RASEF: variants seen among roughly 807,000 people sequenced by gnomAD.
RASEF encodes RAS and EF-hand domain containing.
Under a neutral mutation model 90.1 loss-of-function variants are expected in RASEF, and 68 were observed. The observed-to-expected ratio is 0.75, with a 90% CI of 0.62 to 0.92. RASEF has a LOEUF of 0.92. Ranked by LOEUF, RASEF falls within the 40% of genes least tolerant of loss-of-function variation. The probability of loss-of-function intolerance (pLI) is 0.00; values close to 1 mark genes in which losing one functional copy is unlikely to be tolerated. For synonymous variants in RASEF, 331 were observed against 345.2 expected, an observed-to-expected ratio of 0.96 and a Z score of 0.46; for missense variants, 949 against 937.2, an observed-to-expected ratio of 1.01 and a Z score of -0.16.
chr9:83,194,742 C>T, the RASEF span, among the ~76,000 whole-genome samples: 1 of 152,176 alleles, frequency 6.6e-6, no homozygotes, highest in Non-Finnish European at 1.5e-5. Context: ...GCCTCAGGGA[C>T]ATTTATTTTA....
the RASEF span, among the ~76,000 whole-genome samples, chr9:83,090,908 G>A: frequency 6.6e-6 from 1 of 151,836 alleles, no homozygotes; most frequent in African/African-American, 2.4e-5. Context: ...TTATTCCAGA[G>A]AATAATAATA....
At chr9:83,130,797 A>G in the RASEF span, among the ~76,000 whole-genome samples, 1 of 152,256 alleles carries the variant, frequency 6.6e-6, no homozygotes, top group Non-Finnish European at 1.5e-5. Flanking sequence ...GTGATGAGCA[A>G]TGTGTATAAG....
chr9:83,134,220 G>A, the RASEF span, among the ~76,000 whole-genome samples: 1 of 152,022 alleles, frequency 6.6e-6, no homozygotes, highest in Non-Finnish European at 1.5e-5. Context: ...AGCAGAGGTG[G>A]TTTTACTGTA....
At chr9:83,130,215 A>G in the RASEF span, among the ~76,000 whole-genome samples, 1 of 152,214 alleles carries the variant, frequency 6.6e-6, no homozygotes, top group African/African-American at 2.4e-5. Flanking sequence ...CTTTTAAAAT[A>G]CTTTGTAATC....
the RASEF span, among the ~76,000 whole-genome samples, chr9:83,189,077 C>T: frequency 5.3e-5 from 8 of 152,178 alleles, no homozygotes; most frequent in African/African-American, 9.7e-5. Flanking sequence ...GGGTTGGCTG[C>T]GTCCCCAACC....
chr9:83,043,580 T>C (rs1453649486), intron 1 of RASEF, among the ~76,000 whole-genome samples: 1 of 152,260 alleles, frequency 6.6e-6, no homozygotes, highest in Admixed American at 6.5e-5. Flanking sequence ...GAATACTTGA[T>C]GGAGCATAAA....
the RASEF span, among the ~76,000 whole-genome samples, chr9:83,127,636 G>T: frequency 6.6e-6 from 1 of 152,154 alleles, no homozygotes; most frequent in East Asian, 1.9e-4. Context: ...GAGACTGGGA[G>T]CAAGAAAGAG....
intron 15 of RASEF, among the ~76,000 whole-genome samples, chr9:82,990,701 T>C (rs1828797777): frequency 6.6e-6 from 1 of 152,200 alleles, no homozygotes; most frequent in South Asian, 2.1e-4. Context: ...AAAAATAGAA[T>C]ATTTCATGTT....
At chr9:83,198,543 C>T in the RASEF span, among the ~76,000 whole-genome samples, 1 of 152,182 alleles carries the variant, frequency 6.6e-6, no homozygotes, top group Non-Finnish European at 1.5e-5. Flanking sequence ...CTGACTAAGG[C>T]AGCACCACAG....
At chr9:83,148,220 G>T in the RASEF span, among the ~76,000 whole-genome samples, 1 of 152,008 alleles carries the variant, frequency 6.6e-6, no homozygotes. Context: ...TTTTTTACCT[G>T]CATAAATGTC....
At chr9:83,171,991 G>T in the RASEF span, among the ~76,000 whole-genome samples, 2 of 151,750 alleles carry the variant, frequency 1.3e-5, no homozygotes, top group East Asian at 1.9e-4. Context: ...GTTTCTTGAG[G>T]TGTATCGTTA....
At chr9:83,126,408 G>A in the RASEF span, among the ~76,000 whole-genome samples, 1 of 152,114 alleles carries the variant, frequency 6.6e-6, no homozygotes, top group Non-Finnish European at 1.5e-5. Flanking sequence ...CCAGCCTCCA[G>A]AATTATTAGA....
chr9:83,023,061 T>C (rs1310843797), intron 2 of RASEF, among the ~76,000 whole-genome samples: 4 of 152,202 alleles, frequency 2.6e-5, no homozygotes, highest in Non-Finnish European at 5.9e-5. Flanking sequence ...CAATAAATTC[T>C]GAATTTTTTT....
At chr9:83,055,786 T>C (rs1830092159) in intron 1 of RASEF, 1 of 640,746 alleles carries the variant, frequency 1.6e-6, no homozygotes, top group South Asian at 1.8e-5. Flanking sequence ...GAATATTTGG[T>C]CTCCTAAAAC....
intron 1 of RASEF, among the ~76,000 whole-genome samples, chr9:83,057,193 A>T (rs893620414): frequency 4.6e-5 from 7 of 152,214 alleles, no homozygotes; most frequent in Non-Finnish European, 1.0e-4. Context: ...AGCCAGAGCA[A>T]TCAGGCAAGA....
chr9:83,007,598 A>C, intron 6 of RASEF, 93 bp from the exon 7 acceptor site: 1 of 911,854 alleles, frequency 1.1e-6, no homozygotes, highest in Admixed American at 1.7e-5. Flanking sequence ...CACCTTTTTC[A>C]AAGACGAGTG....
the RASEF span, among the ~76,000 whole-genome samples, chr9:83,213,399 G>GAAA: frequency 9.6e-6 from 1 of 104,688 alleles, no homozygotes; most frequent in African/African-American, 3.3e-5. Context: ...GACTTCATCT[G>GAAA]AAAAAAAAAA....
intron 5 of RASEF, among the ~76,000 whole-genome samples, chr9:83,011,481 G>A (rs1478109428): frequency 1.4e-5 from 2 of 142,404 alleles, no homozygotes; most frequent in African/African-American, 5.3e-5. Context: ...GAACCCAGGA[G>A]ATGGAGGTTG....
the RASEF span, among the ~76,000 whole-genome samples, chr9:83,146,992 ATGTGTGTGCGTGTGTATATG>A: frequency 6.7e-6 from 1 of 148,240 alleles, no homozygotes; most frequent in Non-Finnish European, 1.5e-5. Context: ...TACCAAATGT[ATGTGTGTGCGTGTGTATATG>A]TGTGTGTGTG....
Sources: gnomAD v4.1 joint callset for allele counts (sites outside exome capture counted in the v4.1 genomes callset) on GRCh38, gnomAD v4.1.1 for gene constraint, MANE v1.5 for transcripts, NCBI Gene and HGNC (gene_info 2026-07-23, HGNC 2026-07-21) for gene names.